Variants in PUF60 observed in about 807,000 individuals in gnomAD.
PUF60 encodes the protein poly(U)-binding-splicing factor PUF60.
A neutral mutation model predicts 61.8 loss-of-function variants in PUF60; 10 were observed. The observed-to-expected ratio is 0.16, with a 90% confidence interval of 0.10 to 0.27. The LOEUF is 0.27. Ranked by LOEUF, PUF60 falls within the 10% of genes least tolerant of loss-of-function variation. The pLI is 1.00. For missense variants in PUF60, 371 were observed against 754.0 expected, an observed-to-expected ratio of 0.49 and a Z score of 5.95; for synonymous variants, 353 against 300.9, an observed-to-expected ratio of 1.17 and a Z score of -1.79.
At position 143,817,877 on chromosome 8, in the gene PUF60, C is replaced by T; in HGVS notation, c.802G>A (p.Gly268Ser). The T allele has an allele frequency of 6.2e-7, 1 of 1,612,386 alleles. No individual in the cohort carries two copies. Among genetic ancestry groups the T allele is most frequent in the Non-Finnish European group, 8.5e-7 (1 of 1,179,574 alleles). ...ARDPTTGKHK[G>S]YGFIEYEKAQ... ...CCCAGCTCACCAATGAAGCCGTAGC[C>T]CTTGTGCTTGCCAGTTGTGGGGTCC... The change falls in exon 8 of 12, where the codon GGC (glycine) becomes AGC (serine). Residue 268 changes from glycine (G) to serine (S), a missense_variant. By Grantham distance (56) the Gly-to-Ser change is moderately conservative. Around this residue, in one of 13 missense-constraint regions of PUF60, gnomAD observed 24 missense variants for 35.0 expected, o/e 0.68. Coordinates refer to ENST00000526683, the MANE Select transcript of PUF60 (RefSeq NM_078480.3). This position sits in a 1 kb window ranked among gnomAD's most constrained non-coding sequence, Gnocchi z 7.4.
At chr8:143,824,275 C>A (rs1377040621) in intron 2 of PUF60, 38 bp downstream of exon 2, 1 of 1,518,898 alleles carries the variant, frequency 6.6e-7, no homozygotes. Flanking sequence ...GGCGGGCAGG[C>A]GGGCGGGCCT....
Position 143,816,980 on chromosome 8 carries a change from T to C in PUF60, c.1310A>G (p.Gln437Arg). The C allele has an allele frequency of 6.2e-7, 1 of 1,604,322 alleles. No individual in the cohort carries two copies. The highest frequency in any genetic ancestry group is 8.5e-7 in the Non-Finnish European group (1 of 1,175,842). ...ACTGCCCGAGATGCTCATGTGCTCC[T>C]GCTCGCTCAGCATCTCTGGCCGCTC... ...ESERPEMLSE[Q>R]EHMSISGSSA... Residue 437 changes from glutamine (Q) to arginine (R), a missense_variant, in exon 11 of 12, where the codon CAG becomes CGG. Around this residue, in one of 13 missense-constraint regions of PUF60, gnomAD observed 68 missense variants for 69.4 expected, o/e 0.98. Coordinates refer to ENST00000526683, the MANE Select transcript of PUF60 (RefSeq NM_078480.3).
chr8:143,818,084 G>C lies in PUF60; in HGVS notation c.604-9C>G. ...TTGCTGGGTCTGCCCACCTGGGGAA[G>C]AGGCGGTGAGATGGAAAGACCGGTC... On this transcript the variant is annotated splice_polypyrimidine_tract_variant and intron_variant, in intron 7 of 11. Transcript: ENST00000526683. The surrounding 1 kb of genome is among the most constrained non-coding windows in gnomAD (Gnocchi z 7.9). 1 of 1,610,978 alleles carries C rather than the reference G, an allele frequency of 6.2e-7. No homozygotes were observed.
Position 143,818,707 on chromosome 8 carries a change from C to T in PUF60, c.349-173G>A, listed in dbSNP as rs1038217242. The T allele has an allele frequency of 8.5e-6, 6 of 706,952 alleles. No individual in the cohort carries two copies. Among genetic ancestry groups the T allele is most frequent in the Non-Finnish European group, 1.4e-5 (6 of 441,668 alleles). The allele number at this position is 706,952 out of a possible 1,614,324, so 43.8% of individuals were successfully genotyped here. A position where few individuals can be genotyped will look rare whatever the true frequency, so the allele number is the denominator to read the frequency against. On this transcript the variant is annotated intron_variant, in intron 5 of 11. Coordinates refer to ENST00000526683, the MANE Select transcript of PUF60 (RefSeq NM_078480.3). The surrounding 1 kb of genome is among the most constrained non-coding windows in gnomAD (Gnocchi z 7.9). ...TCATAGTGTGGGGGTCGCAGGACCC[C>T]GCCACCCAAAGAAGGAAGGCCAGGC...
Position 143,827,406 on chromosome 8 carries a change from G to A in PUF60, c.24+1874C>T, listed in dbSNP as rs114477188. 2.5e-4 allele frequency: 115 copies of A among 456,260 alleles called. No homozygotes were observed. Among genetic ancestry groups the A allele is most frequent in the African/African-American group, 2.2e-3 (109 of 50,194 alleles). The allele number at this position is 456,260 out of a possible 1,614,324, so 28.3% of individuals were successfully genotyped here. ...CTACCCTTGCTGCAAAGAGGCAGCC[G>A]GCCTCATTCTGCAGCCACCAGGCAG... On this transcript the variant is annotated intron_variant, in intron 1 of 11. Coordinates refer to ENST00000526683, the MANE Select transcript of PUF60 (RefSeq NM_078480.3).
In PUF60 at chr8:143,827,980, T is replaced by G. The variant is rs933587132; in HGVS notation, c.24+1300A>C. Among the ~76,000 whole-genome samples, 7 of 152,304 alleles carry G rather than the reference T, an allele frequency of 4.6e-5. 1 individual carries two copies. Among genetic ancestry groups the G allele is most frequent in the South Asian group, 4.1e-4 (2 of 4,830 alleles). On this transcript the variant is annotated intron_variant, in intron 1 of 11. Transcript: ENST00000526683. ...CCTCCTCCTCCTTCACCATCAACTC[T>G]CTGACTGCTGCCTGAAGACAGTCAC...
chr8:143,818,177 T>C lies in PUF60; in HGVS notation c.603+16A>G, dbSNP rs1170935548. On this transcript the variant is annotated intron_variant, in intron 7 of 11. Coordinates refer to ENST00000526683, the MANE Select transcript of PUF60 (RefSeq NM_078480.3). The surrounding 1 kb of genome is among the most constrained non-coding windows in gnomAD (Gnocchi z 7.9). ...CTGCACGCCTGCGGGATCGAGGCCT[T>C]GGCTCCCTGCCTCACCTTGATGTTC... 4 of 1,607,256 alleles carry C rather than the reference T, an allele frequency of 2.5e-6. No individual in the cohort carries two copies. Among genetic ancestry groups the C allele is most frequent in the Non-Finnish European group, 2.5e-6 (3 of 1,177,632 alleles).
chr8:143,820,540 C>T (rs1441475673), intron 5 of PUF60, 126 bp downstream of exon 5: 7 of 1,117,160 alleles, frequency 6.3e-6, no homozygotes, highest in African/African-American at 1.5e-5. Flanking sequence ...CGCTCTGCTG[C>T]GCTCGTCCAG....
In PUF60 at chr8:143,818,329, T is replaced by C. The variant is rs765147361; in HGVS notation, c.510+44A>G. ...CTGTCAGGCTGCGCGAGCCCAGGGG[T>C]GGGGGCGAGCCCGAAGTGGCCGGGG... On this transcript the variant is annotated intron_variant, in intron 6 of 11. Transcript: ENST00000526683. The surrounding 1 kb of genome is among the most constrained non-coding windows in gnomAD (Gnocchi z 7.9). The C allele has an allele frequency of 2.5e-6, 4 of 1,608,064 alleles. No homozygotes were observed. In the South Asian group the frequency reaches 3.3e-5, roughly 13 times the overall value.
At chr8:143,822,613 C>G in intron 2 of PUF60, 1 of 456,144 alleles carries the variant, frequency 2.2e-6, no homozygotes, top group Non-Finnish European at 4.4e-6. Flanking sequence ...CCCACTGGCA[C>G]CCTAGCCAGG....
intron 11 of PUF60, 43 bp from the exon 12 acceptor site, chr8:143,816,862 C>A: frequency 6.3e-7 from 1 of 1,595,008 alleles, no homozygotes. Flanking sequence ...GCACTGCGGC[C>A]CCGCCCCCCT....
At chr8:143,829,172 A>C in intron 1 of PUF60, 108 bp downstream of exon 1, 1 of 1,222,416 alleles carries the variant, frequency 8.2e-7, no homozygotes, top group Non-Finnish European at 1.0e-6. Context: ...TCCGCGCGGG[A>C]CCTGGGAAGA....
At chr8:143,821,224 T>C in intron 4 of PUF60, 1 of 445,220 alleles carries the variant, frequency 2.2e-6, no homozygotes, top group Non-Finnish European at 4.1e-6. Flanking sequence ...AGCAGTCTTA[T>C]CCAGGCCACG....
rs559727406 is a variant in PUF60 at position 143,828,079 on chromosome 8, A to G, written c.24+1201T>C. On this transcript the variant is annotated intron_variant, in intron 1 of 11. Transcript: ENST00000526683. ...TCACTTACTCCTGTGGCTTCAAGAG[A>G]AAGGACATAGTAGAAAGAGTGGAGT... 6.6e-5 allele frequency among the ~76,000 whole-genome samples: 10 copies of G among 152,340 alleles called. No individual in the cohort carries two copies. In the East Asian group the frequency reaches 1.9e-3, roughly 29 times the overall value.
At position 143,816,448 on chromosome 8, in the gene PUF60, G is replaced by A. The variant is rs1377089833; in HGVS notation, c.*72C>T. 7.9e-6 allele frequency: 12 copies of A among 1,517,080 alleles called. No homozygotes were observed. Among genetic ancestry groups the A allele is most frequent in the African/African-American group, 1.4e-5 (1 of 72,350 alleles). 94.0% of individuals were successfully genotyped at this position (1,517,080 alleles called of 1,614,324 possible). A position where few individuals can be genotyped will look rare whatever the true frequency, so the allele number is the denominator to read the frequency against. ...CTGGGCAGAGCGCGCCTGGCCCCGG[G>A]GACACCACTGTATCACTATAAAACC... On this transcript the variant is annotated 3_prime_UTR_variant, in exon 12 of 12. Transcript: ENST00000526683.
chr8:143,825,631 C>T (rs904688236), intron 1 of PUF60, among the ~76,000 whole-genome samples: 3 of 152,080 alleles, frequency 2.0e-5, no homozygotes, highest in Admixed American at 1.3e-4. Flanking sequence ...TCCAGGCATG[C>T]GCCGCCACAC....
At chr8:143,826,578 G>T (rs1420636378) in intron 1 of PUF60, among the ~76,000 whole-genome samples, 4 of 152,092 alleles carry the variant, frequency 2.6e-5, no homozygotes, top group Admixed American at 1.3e-4. Context: ...AGCCGGGCAT[G>T]GTGGCAAGCA....
At chr8:143,826,076 G>A (rs768293140) in intron 1 of PUF60, among the ~76,000 whole-genome samples, 40 of 152,212 alleles carry the variant, frequency 2.6e-4, no homozygotes, top group Admixed American at 7.9e-4. Context: ...GGAGGAAACC[G>A]GTGTTTACAA....
chr8:143,819,135 A>G (rs539815054), intron 5 of PUF60: 1 of 152,354 alleles, frequency 6.6e-6, no homozygotes, highest in African/African-American at 2.4e-5. Context: ...AGTGCCCTGC[A>G]ACTCCTCACA....
Sources: allele counts gnomAD v4.1 joint callset (sites outside exome capture counted in the v4.1 genomes callset), GRCh38; gene constraint gnomAD v4.1.1; regional missense constraint gnomAD v4.1.1; non-coding constraint Gnocchi (gnomAD v3.1); transcripts MANE v1.5; gene names NCBI Gene and HGNC (gene_info 2026-07-23, HGNC 2026-07-21).